Variants in SAMD12 observed in about 807,000 individuals in gnomAD.
The protein encoded by SAMD12 is sterile alpha motif domain containing 12, also known as sterile alpha motif domain-containing protein 12.
Under a neutral mutation model 15.0 loss-of-function variants are expected in SAMD12, and 9 were observed. That is an observed-to-expected ratio of 0.60 (90% CI 0.36 to 1.05). SAMD12 has a LOEUF of 1.05. Ranked by LOEUF, SAMD12 falls within the 50% of genes least tolerant of loss-of-function variation. The pLI, the probability that SAMD12 is intolerant of heterozygous loss-of-function variation, is 0.01. For synonymous variants in SAMD12, 86 were observed against 90.1 expected (o/e 0.96, Z 0.25); for missense variants, 230 against 234.2 (o/e 0.98, Z 0.12).
At chr8:118,480,560 A>G (rs1381784386) in intron 2 of SAMD12, among the ~76,000 whole-genome samples, 1 of 152,184 alleles carries the variant, frequency 6.6e-6, no homozygotes, top group Non-Finnish European at 1.5e-5. Flanking sequence ...AAGTAACCCA[A>G]TGTGTTCAAT....
intron 4 of SAMD12, among the ~76,000 whole-genome samples, chr8:118,319,512 A>G (rs912215429): frequency 1.3e-5 from 2 of 152,220 alleles, no homozygotes; most frequent in Non-Finnish European, 2.9e-5. Flanking sequence ...GAGCTATCAA[A>G]TTCCTAGCAG....
At chr8:118,303,981 C>T (rs1815178943) in intron 4 of SAMD12, among the ~76,000 whole-genome samples, 1 of 152,200 alleles carries the variant, frequency 6.6e-6, no homozygotes, top group African/African-American at 2.4e-5. Context: ...GCTTTTGACA[C>T]AGCTGAGTAT....
At chr8:118,212,303 AG>A (rs1811853003) in intron 4 of SAMD12, among the ~76,000 whole-genome samples, 1 of 152,048 alleles carries the variant, frequency 6.6e-6, no homozygotes, top group Admixed American at 6.6e-5. Context: ...TCTGACCCAA[AG>A]TACATTTAAA....
intron 4 of SAMD12, among the ~76,000 whole-genome samples, chr8:118,324,113 T>C (rs1268758600): frequency 6.6e-6 from 1 of 152,204 alleles, no homozygotes; most frequent in Non-Finnish European, 1.5e-5. Context: ...CTATTTTTAA[T>C]AGTTATGTCT....
At chr8:118,303,620 T>C (rs1815160477) in intron 4 of SAMD12, among the ~76,000 whole-genome samples, 1 of 152,122 alleles carries the variant, frequency 6.6e-6, no homozygotes, top group Non-Finnish European at 1.5e-5. Context: ...AAAATTTCTT[T>C]CTCTTCTAAT....
the SAMD12 span, among the ~76,000 whole-genome samples, chr8:118,146,990 A>G: frequency 1.3e-5 from 2 of 152,166 alleles, no homozygotes; most frequent in African/African-American, 2.4e-5. Flanking sequence ...TTGATTTTAT[A>G]TAATGCTTAG....
At chr8:118,271,882 C>T (rs58915741) in intron 4 of SAMD12, among the ~76,000 whole-genome samples, 2,060 of 152,274 alleles carry the variant, frequency 0.014, 52 homozygotes, top group South Asian at 0.051. Context: ...AGTACAGCCC[C>T]CCACTTCCTG....
In SAMD12 at chr8:118,263,201, G is replaced by A. The variant is rs114849351; in HGVS notation, c.434-65469C>T. Among the ~76,000 whole-genome samples, 578 of 152,104 alleles carry A rather than the reference G, an allele frequency of 3.8e-3. 3 individuals carry two copies. The highest frequency in any genetic ancestry group is 0.013 in the African/African-American group (519 of 41,498). On this transcript the variant is annotated intron_variant, in intron 4 of 4. Coordinates refer to the SAMD12 transcript ENST00000409003. ...CAAAATGTCTCTACTTCATTTAGGC[G>A]ACGGTTGGAAGACAAGTTGTAAAGT...
intron 1 of SAMD12, among the ~76,000 whole-genome samples, chr8:118,591,555 TTAA>T (rs1213696063): frequency 2.0e-5 from 3 of 152,112 alleles, no homozygotes; most frequent in African/African-American, 7.2e-5. Context: ...GCTAACAATT[TTAA>T]TAACAGTTAA....
intron 4 of SAMD12, among the ~76,000 whole-genome samples, chr8:118,316,474 C>T (rs1036258942): frequency 1.3e-4 from 19 of 151,628 alleles, no homozygotes; most frequent in Non-Finnish European, 1.6e-4. Context: ...AGTCGGAGGT[C>T]GCAGTGAGCT....
intron 2 of SAMD12, among the ~76,000 whole-genome samples, chr8:118,574,858 T>G (rs921741978): frequency 6.6e-6 from 1 of 152,208 alleles, no homozygotes; most frequent in Non-Finnish European, 1.5e-5. Context: ...CAGCTTTGTT[T>G]GGAGACATTT....
intron 1 of SAMD12, among the ~76,000 whole-genome samples, chr8:118,608,431 A>G (rs1828030850): frequency 1.3e-5 from 2 of 151,928 alleles, no homozygotes; most frequent in Non-Finnish European, 2.9e-5. Flanking sequence ...CTTTTCTTAC[A>G]AGACAGAATC....
intron 3 of SAMD12, among the ~76,000 whole-genome samples, chr8:118,389,097 A>G (rs1410342973): frequency 6.6e-6 from 1 of 152,196 alleles, no homozygotes; most frequent in Non-Finnish European, 1.5e-5. Flanking sequence ...CGGTTAAGTC[A>G]CAGTACTGCC....
At chr8:118,372,664 T>G (rs2515061) in intron 4 of SAMD12, among the ~76,000 whole-genome samples, 1 of 152,088 alleles carries the variant, frequency 6.6e-6, no homozygotes, top group Non-Finnish European at 1.5e-5. Context: ...CAGCTTTCTT[T>G]GTGTCAAACA....
the SAMD12 span, among the ~76,000 whole-genome samples, chr8:118,147,912 CTG>C: frequency 7.0e-6 from 1 of 142,252 alleles, no homozygotes; most frequent in African/African-American, 2.5e-5. Context: ...TTTTTTTTTT[CTG>C]TGTGTGTGTG....
chr8:118,143,873 T>A, the SAMD12 span, among the ~76,000 whole-genome samples: 3,211 of 152,342 alleles, frequency 0.021, 125 homozygotes, highest in African/African-American at 0.072. Context: ...TACTCCCTTG[T>A]GTTAGTTTCT....
chr8:118,530,426 T>C (rs377557377), intron 2 of SAMD12, among the ~76,000 whole-genome samples: 1 of 152,204 alleles, frequency 6.6e-6, no homozygotes, highest in African/African-American at 2.4e-5. Flanking sequence ...TGTGTCCATG[T>C]GTACTCAATG....
chr8:118,309,093 C>A (rs1443921843), intron 4 of SAMD12, among the ~76,000 whole-genome samples: 3 of 152,112 alleles, frequency 2.0e-5, no homozygotes, highest in African/African-American at 7.2e-5. Flanking sequence ...CACCCATCAC[C>A]TGAGCAGTGT....
At chr8:118,308,764 C>A (rs1249552759) in intron 4 of SAMD12, among the ~76,000 whole-genome samples, 2 of 151,984 alleles carry the variant, frequency 1.3e-5, no homozygotes, top group African/African-American at 4.8e-5. Context: ...CCCTCTACTG[C>A]ACAGATGGCA....
Sources: gnomAD v4.1 joint callset for allele counts (sites outside exome capture counted in the v4.1 genomes callset) on GRCh38, gnomAD v4.1.1 for gene constraint, MANE v1.5 for transcripts, NCBI Gene and HGNC (gene_info 2026-07-23, HGNC 2026-07-21) for gene names.